HDC: variants seen among roughly 807,000 people sequenced by gnomAD.
The protein encoded by HDC is histidine decarboxylase.
A neutral mutation model predicts 64.4 loss-of-function variants in HDC; 27 were observed. The ratio of observed to expected loss-of-function variants is 0.42; its 90% CI spans 0.31 to 0.58. HDC has a LOEUF of 0.58. Among genes scored for constraint, HDC ranks in the 20% least tolerant of loss-of-function variants. The pLI is 0.16. For missense variants in HDC, 711 were observed against 833.9 expected (o/e 0.85, Z 1.81); for synonymous variants, 305 against 314.2 (o/e 0.97, Z 0.31).
intron 11 of HDC, 51 bp from the exon 12 acceptor site, chr15:50,243,057 T>C: frequency 3.1e-6 from 5 of 1,613,974 alleles, no homozygotes; most frequent in Non-Finnish European, 4.2e-6. Context: ...CCTGTCAGCA[T>C]CCCCAGAGCC....
rs1387392968 is a variant in HDC, at chr15:50,254,146, C to T, written c.704G>A (p.Gly235Asp). The stretch of plus-strand genomic sequence containing the variant: ...CTGACTTACAAAGACGGGCACCAAG[C>T]CCCGCTGCTTGTCTTCCTCGATGGC... ...QKAIEEDKQR[G>D]LVPVFVCATL... The change falls in exon 6 of 12, where the codon GGC (glycine) becomes GAC (aspartate). Residue 235 changes from glycine (G) to aspartate (D), a missense_variant. Physicochemically the swap from Gly to Asp is moderately conservative, Grantham distance 94. This residue lies in a region of HDC where 483 missense variants were observed against 540.9 expected (regional missense o/e 0.89). Transcript: ENST00000267845. 6.2e-7 allele frequency: 1 copy of T among 1,614,204 alleles called. No individual in the cohort carries two copies. Among genetic ancestry groups the T allele is most frequent in the Non-Finnish European group, 8.5e-7 (1 of 1,180,042 alleles).
In HDC at chr15:50,243,142, C is replaced by T; in HGVS notation, c.1242+1G>A. 1 of 1,613,200 alleles carries T rather than the reference C, an allele frequency of 6.2e-7. No homozygotes were observed. The highest frequency in any genetic ancestry group is 8.5e-7 in the Non-Finnish European group (1 of 1,179,178). The stretch of plus-strand genomic sequence containing the variant: ...CAGAGGGGCTTGGAAGATGGTATTA[C>T]CTTTAGACGAAAAACCACCAGGCCA... On this transcript the variant is annotated splice_donor_variant, in intron 11 of 11. Coordinates refer to ENST00000267845, the MANE Select transcript of HDC (RefSeq NM_002112.4). LOFTEE classifies it high-confidence loss of function.
chr15:50,258,942 C>T (rs1158455528), intron 2 of HDC, among the ~76,000 whole-genome samples: 2 of 151,942 alleles, frequency 1.3e-5, no homozygotes, highest in Non-Finnish European at 2.9e-5. Flanking sequence ...AGGTGGATCA[C>T]GAGATCAAGA....
In HDC at chr15:50,263,286, G is replaced by A. The variant is rs760392712; in HGVS notation, c.153C>T (p.Pro51=). The change falls in exon 2 of 12, where the codon CCC becomes CCT. Residue 51 remains proline, a synonymous_variant. Transcript: ENST00000267845. ...AQLPESAPED[P]DSWDSIFGDI... Reference sequence around the variant, plus strand: ...CCCCAAAGATGCTGTCCCAGCTGTCGGGGTCCTCAGGAGCACTCTCAGGCA... The same window carrying A: ...CCCCAAAGATGCTGTCCCAGCTGTCAGGGTCCTCAGGAGCACTCTCAGGCA... 5.2e-5 allele frequency: 84 copies of A among 1,614,134 alleles called. No homozygotes were observed. Among genetic ancestry groups the A allele is most frequent in the East Asian group, 4.2e-4 (19 of 44,876 alleles).
At chr15:50,244,741 C>T (rs1046775132) in intron 10 of HDC, 6 of 152,454 alleles carry the variant, frequency 3.9e-5, no homozygotes, top group African/African-American at 1.4e-4. Flanking sequence ...CCCTTCACCC[C>T]TCCTTAGGCA....
intron 7 of HDC, chr15:50,253,218 A>C (rs975549781): frequency 2.7e-6 from 1 of 377,106 alleles, no homozygotes; most frequent in African/African-American, 2.1e-5. Context: ...GATTTCCCCT[A>C]CCCTACCCTT....
intron 3 of HDC, among the ~76,000 whole-genome samples, chr15:50,257,981 G>A (rs1461369973): frequency 7.6e-6 from 1 of 131,644 alleles, no homozygotes; most frequent in Admixed American, 9.4e-5. Flanking sequence ...ATTTAAAGCT[G>A]AGTGGTGCTT....
intron 2 of HDC, among the ~76,000 whole-genome samples, chr15:50,261,513 G>T (rs945391674): frequency 1.1e-4 from 17 of 151,914 alleles, no homozygotes; most frequent in African/African-American, 3.4e-4. Flanking sequence ...AGGCGTAGTG[G>T]CTTAGGCCTC....
chr15:50,263,370 G>A lies in HDC; in HGVS notation c.69C>T (p.Ser23=), dbSNP rs1216561940. ...GCGTCACACGTCTCTCCCGCACAGT[G>A]CTCAGGTACTGGCAGATGTAATCCA... ...EMVDYICQYL[S]TVRERRVTPD... The change falls in exon 2 of 12, where the codon AGC becomes AGT. Residue 23 remains serine, a synonymous_variant. Transcript: ENST00000267845. The A allele has an allele frequency of 6.2e-7, 1 of 1,614,160 alleles. No individual in the cohort carries two copies. The highest frequency in any genetic ancestry group is 1.1e-5 in the South Asian group (1 of 91,088).
chr15:50,263,298 A>G lies in HDC; in HGVS notation c.141T>C (p.Ala47=), dbSNP rs1328781866. The change falls in exon 2 of 12, where the codon GCT becomes GCC. Residue 47 remains alanine (A), a synonymous_variant. Transcript: ENST00000267845. The part of the protein sequence containing the change: ...GYLRAQLPES[A]PEDPDSWDSI... Reference sequence around the variant, plus strand: ...TGTCCCAGCTGTCGGGGTCCTCAGGAGCACTCTCAGGCAGCTGGGCTCGCA... The same window carrying G: ...TGTCCCAGCTGTCGGGGTCCTCAGGGGCACTCTCAGGCAGCTGGGCTCGCA... 1 of 1,614,116 alleles carries G rather than the reference A, an allele frequency of 6.2e-7. No individual in the cohort carries two copies. Among genetic ancestry groups the G allele is most frequent in the South Asian group, 1.1e-5 (1 of 91,072 alleles).
At chr15:50,262,055 A>T (rs1486351443) in intron 2 of HDC, among the ~76,000 whole-genome samples, 1 of 152,062 alleles carries the variant, frequency 6.6e-6, no homozygotes, top group Non-Finnish European at 1.5e-5. Context: ...GATGAAGGCA[A>T]ACCTCAAGCT....
intron 10 of HDC, among the ~76,000 whole-genome samples, chr15:50,247,844 A>G (rs1033171973): frequency 5.9e-5 from 9 of 152,224 alleles, no homozygotes; most frequent in African/African-American, 2.2e-4. Context: ...AGGCATAATC[A>G]TAATAGTGCT....
chr15:50,257,666 C>T (rs2045650717), intron 3 of HDC, 119 bp from the exon 4 acceptor site: 2 of 1,124,328 alleles, frequency 1.8e-6, no homozygotes, highest in Middle Eastern at 2.1e-4. Flanking sequence ...GAGAAGGGGT[C>T]ATGTTAGGCC....
intron 9 of HDC, among the ~76,000 whole-genome samples, chr15:50,251,528 C>G (rs528038942): frequency 1.3e-5 from 2 of 152,276 alleles, no homozygotes; most frequent in East Asian, 3.9e-4. Context: ...CTGCTGCCTC[C>G]GTTGGCCAGG....
At position 50,242,461 on chromosome 15, in the gene HDC, C is replaced by T; in HGVS notation, c.1788G>A (p.Lys596=). ...TCACAGAGGCCTCTGTGGGCAGTGGCTTCTGAGCACTCACTGGCACACTGT... is the reference window on the plus strand; with the variant it reads ...TCACAGAGGCCTCTGTGGGCAGTGGTTTCTGAGCACTCACTGGCACACTGT... ...SCNSVPVSAQ[K]PLPTEASVKN... The change falls in exon 12 of 12, where the codon AAG becomes AAA. Residue 596 remains lysine (K), a synonymous_variant. Coordinates refer to ENST00000267845, the MANE Select transcript of HDC (RefSeq NM_002112.4). 3 of 1,614,172 alleles carry T rather than the reference C, an allele frequency of 1.9e-6. No homozygotes were observed. The highest frequency in any genetic ancestry group is 2.2e-5 in the South Asian group (2 of 91,084).
intron 4 of HDC, 102 bp downstream of exon 4, chr15:50,257,323 G>T: frequency 6.9e-7 from 1 of 1,445,862 alleles, no homozygotes; most frequent in Non-Finnish European, 9.7e-7. Flanking sequence ...TGGGTAATGT[G>T]GGGGAAACTC....
chr15:50,256,139 T>C (rs1347443196), intron 4 of HDC, among the ~76,000 whole-genome samples: 2 of 152,244 alleles, frequency 1.3e-5, no homozygotes, highest in Non-Finnish European at 2.9e-5. Context: ...ACTATTCACC[T>C]GCAGGGTTCC....
chr15:50,243,024 G>A lies in HDC; in HGVS notation c.1243-18C>T. The A allele has an allele frequency of 6.2e-7, 1 of 1,614,066 alleles. No homozygotes were observed. The highest frequency in any genetic ancestry group is 8.5e-7 in the Non-Finnish European group (1 of 1,180,018). ...TTAGGACCCTGTTTGAAAAATAAAG[G>A]AAGTGAAGTCTCCATCGCACCCCCT... is the stretch of plus-strand genomic sequence containing the variant. On this transcript the variant is annotated intron_variant, in intron 11 of 11. Transcript: ENST00000267845.
chr15:50,260,172 C>G (rs529748418), intron 2 of HDC, among the ~76,000 whole-genome samples: 29 of 152,188 alleles, frequency 1.9e-4, no homozygotes, highest in Admixed American at 4.6e-4. Flanking sequence ...CAGGTGCCCA[C>G]CACCATGCCT....
Sources: gnomAD v4.1 joint callset for allele counts (sites outside exome capture counted in the v4.1 genomes callset) on GRCh38, gnomAD v4.1.1 for gene constraint, gnomAD v4.1.1 regional missense constraint, MANE v1.5 for transcripts, NCBI Gene and HGNC (gene_info 2026-07-23, HGNC 2026-07-21) for gene names.